LRMDA: variants seen among roughly 807,000 people sequenced by gnomAD.
LRMDA encodes the protein leucine rich melanocyte differentiation associated.
LRMDA carries 18 observed loss-of-function variants against 29.8 expected under a neutral mutation model. The observed-to-expected ratio is 0.60, with a 90% CI of 0.42 to 0.90. The LOEUF is 0.90. LRMDA is among the 40% of genes least tolerant of loss of function. The pLI is 0.00. For synonymous variants in LRMDA, 125 were observed against 109.4 expected (o/e 1.14, Z -0.89); for missense variants, 273 against 273.9 (o/e 1.00, Z 0.02).
chr10:76,232,688 C>T (rs1056325996), intron 5 of LRMDA, among the ~76,000 whole-genome samples: 12 of 152,142 alleles, frequency 7.9e-5, no homozygotes, highest in Admixed American at 1.3e-4. Flanking sequence ...CACTGGTTCC[C>T]GAGTTCTTGT....
rs1459571289 is a variant in LRMDA at position 76,559,141 on chromosome 10, A to AATC, written c.*1854_*1856dup. 2 of 152,218 alleles carry AATC rather than the reference A, an allele frequency of 1.3e-5. No individual in the cohort carries two copies. Among genetic ancestry groups the AATC allele is most frequent in the East Asian group, 3.9e-4 (2 of 5,190 alleles). The allele number at this position is 152,218 out of a possible 1,614,324, so 9.4% of individuals were successfully genotyped here. On this transcript the variant is annotated 3_prime_UTR_variant, in exon 7 of 7. Transcript: ENST00000611255. ...GCTAGACGAGTCAGATGTCATATCC[A>AATC]ATCTAGCCACACATATATCCTTGTC...
intron 5 of LRMDA, among the ~76,000 whole-genome samples, chr10:76,276,790 T>C (rs143551817): frequency 3.3e-4 from 50 of 152,334 alleles, no homozygotes; most frequent in Middle Eastern, 6.8e-3. Context: ...ACTTTTTTGT[T>C]TTATGAAGAA....
chr10:75,950,887 A>G (rs1846562619), intron 2 of LRMDA, among the ~76,000 whole-genome samples: 1 of 152,148 alleles, frequency 6.6e-6, no homozygotes, highest in Admixed American at 6.5e-5. Context: ...TTAGTTTTCT[A>G]TGTTGATGTT....
intron 2 of LRMDA, among the ~76,000 whole-genome samples, chr10:75,600,438 T>C (rs1245696677): frequency 6.6e-6 from 1 of 152,230 alleles, no homozygotes; most frequent in African/African-American, 2.4e-5. Context: ...GTGGATCAGA[T>C]ACATCATCCT....
intron 4 of LRMDA, 48 bp downstream of exon 4, chr10:76,047,351 A>T (rs1479676563): frequency 6.5e-7 from 1 of 1,538,428 alleles, no homozygotes; most frequent in Non-Finnish European, 8.8e-7. Context: ...AAAAAGAGAA[A>T]CTTTAGGGGA....
intron 2 of LRMDA, among the ~76,000 whole-genome samples, chr10:75,832,836 G>A (rs191385584): frequency 1.8e-4 from 27 of 152,264 alleles, no homozygotes; most frequent in Admixed American, 1.1e-3. Flanking sequence ...ATCAGATCTC[G>A]TGAGACCCAT....
At chr10:76,452,027 AT>A (rs1318429187) in intron 6 of LRMDA, among the ~76,000 whole-genome samples, 9 of 152,168 alleles carry the variant, frequency 5.9e-5, no homozygotes, top group Middle Eastern at 3.4e-3. Flanking sequence ...ATCTTCCTGT[AT>A]TTTCTTCATT....
At chr10:76,538,502 A>G (rs7906422) in intron 6 of LRMDA, among the ~76,000 whole-genome samples, 37,955 of 140,684 alleles carry the variant, frequency 0.27, 5,818 homozygotes, top group Non-Finnish European at 0.35. Flanking sequence ...TTATATATGT[A>G]TATATATATG....
At chr10:75,809,968 G>A (rs1365689395) in intron 2 of LRMDA, among the ~76,000 whole-genome samples, 1 of 152,192 alleles carries the variant, frequency 6.6e-6, no homozygotes, top group East Asian at 1.9e-4. Flanking sequence ...GTCCTTCTGT[G>A]CAGGGGGCCT....
At chr10:76,012,789 C>T (rs917359623) in intron 2 of LRMDA, among the ~76,000 whole-genome samples, 1 of 152,190 alleles carries the variant, frequency 6.6e-6, no homozygotes, top group African/African-American at 2.4e-5. Context: ...CATAATTGGA[C>T]TGTCTTTTCA....
At chr10:75,509,526 T>C (rs1478784533) in intron 2 of LRMDA, among the ~76,000 whole-genome samples, 7 of 152,214 alleles carry the variant, frequency 4.6e-5, no homozygotes, top group African/African-American at 1.2e-4. Flanking sequence ...AGGGTGTCTC[T>C]GATACCTGTT....
At chr10:75,955,360 G>A (rs1314532712) in intron 2 of LRMDA, among the ~76,000 whole-genome samples, 1 of 152,150 alleles carries the variant, frequency 6.6e-6, no homozygotes, top group East Asian at 1.9e-4. Flanking sequence ...GCCACTCTCT[G>A]CCACCTGAGA....
intron 6 of LRMDA, among the ~76,000 whole-genome samples, chr10:76,360,776 C>T (rs1239440846): frequency 1.3e-5 from 2 of 152,192 alleles, no homozygotes; most frequent in African/African-American, 4.8e-5. Context: ...CCCCCTCCCT[C>T]CCTCACCTGC....
chr10:76,440,403 A>T (rs910506180), intron 6 of LRMDA, among the ~76,000 whole-genome samples: 3 of 152,158 alleles, frequency 2.0e-5, no homozygotes, highest in Non-Finnish European at 4.4e-5. Context: ...ATTACTTCTC[A>T]CCCCAAAATG....
intron 5 of LRMDA, among the ~76,000 whole-genome samples, chr10:76,155,439 C>G (rs943188350): frequency 1.3e-5 from 2 of 152,116 alleles, no homozygotes; most frequent in Non-Finnish European, 2.9e-5. Flanking sequence ...CTTAATCTGT[C>G]TAAGGGTAGA....
chr10:76,053,436 G>T (rs1848562229), intron 4 of LRMDA, among the ~76,000 whole-genome samples: 1 of 152,116 alleles, frequency 6.6e-6, no homozygotes. Context: ...AATAACCCAG[G>T]ATTAAATTTA....
intron 5 of LRMDA, among the ~76,000 whole-genome samples, chr10:76,216,106 C>T (rs1043984545): frequency 6.6e-6 from 1 of 152,208 alleles, no homozygotes; most frequent in Non-Finnish European, 1.5e-5. Context: ...TTTATCCCAA[C>T]ATTTTGGGAG....
At chr10:75,604,771 A>T (rs927924487) in intron 2 of LRMDA, among the ~76,000 whole-genome samples, 1 of 152,098 alleles carries the variant, frequency 6.6e-6, no homozygotes, top group African/African-American at 2.4e-5. Context: ...AACTGCTGTG[A>T]CTCTCAGACT....
intron 3 of LRMDA, among the ~76,000 whole-genome samples, chr10:76,042,240 G>T (rs916998768): frequency 3.9e-5 from 6 of 151,938 alleles, no homozygotes; most frequent in Admixed American, 1.3e-4. Flanking sequence ...GTGTGGATTT[G>T]GGGGAGACCA....
Sources: allele counts gnomAD v4.1 joint callset (sites outside exome capture counted in the v4.1 genomes callset), GRCh38; gene constraint gnomAD v4.1.1; transcripts MANE v1.5; gene names NCBI Gene and HGNC (gene_info 2026-07-23, HGNC 2026-07-21).